SGCD: variants seen among roughly 807,000 people sequenced by gnomAD.
SGCD encodes delta-sarcoglycan.
SGCD carries 18 observed loss-of-function variants against 36.6 expected under a neutral mutation model. The ratio of observed to expected loss-of-function variants is 0.49; its 90% CI spans 0.34 to 0.73. SGCD has a LOEUF of 0.73. Ranked by LOEUF, SGCD falls within the 30% of genes least tolerant of loss-of-function variation. The pLI, the probability that SGCD is intolerant of heterozygous loss-of-function variation, is 0.01. For synonymous variants in SGCD, 133 were observed against 130.6 expected, an observed-to-expected ratio of 1.02 and a Z score of -0.12; for missense variants, 387 against 346.7, an observed-to-expected ratio of 1.12 and a Z score of -0.92.
At chr5:156,730,618 C>T (rs1018946764) in intron 7 of SGCD, among the ~76,000 whole-genome samples, 6 of 152,088 alleles carry the variant, frequency 3.9e-5, no homozygotes, top group African/African-American at 7.2e-5. Flanking sequence ...TTTATCCATG[C>T]TATCATTAAT....
At chr5:155,742,590 A>G in the SGCD span, among the ~76,000 whole-genome samples, 12 of 152,374 alleles carry the variant, frequency 7.9e-5, no homozygotes, top group Non-Finnish European at 1.6e-4. Context: ...TTCCACGTTC[A>G]GACGTTACAA....
intron 1 of SGCD, among the ~76,000 whole-genome samples, chr5:156,025,382 G>C (rs558587969): frequency 1.0e-3 from 155 of 152,252 alleles, no homozygotes; most frequent in African/African-American, 3.5e-3. Flanking sequence ...GCCCAGGAAA[G>C]GTATGAAAAC....
At chr5:156,155,114 C>A (rs2127616288) in intron 3 of SGCD, among the ~76,000 whole-genome samples, 1 of 151,842 alleles carries the variant, frequency 6.6e-6, no homozygotes, top group African/African-American at 2.4e-5. Context: ...ACCTGCTGCT[C>A]TCTGGGACCA....
chr5:156,589,593 A>C (rs1019041019), intron 5 of SGCD, among the ~76,000 whole-genome samples: 2 of 152,138 alleles, frequency 1.3e-5, no homozygotes, highest in African/African-American at 4.8e-5. Context: ...CTAAATATAA[A>C]CCAGCTGCTT....
the SGCD span, among the ~76,000 whole-genome samples, chr5:155,839,562 A>G: frequency 3.3e-5 from 5 of 152,172 alleles, no homozygotes; most frequent in African/African-American, 1.2e-4. Flanking sequence ...ACAACATATA[A>G]TGGATTCATT....
intron 4 of SGCD, among the ~76,000 whole-genome samples, chr5:156,554,973 C>T (rs1304619510): frequency 6.6e-6 from 1 of 152,068 alleles, no homozygotes; most frequent in Non-Finnish European, 1.5e-5. Flanking sequence ...TATGCATTTC[C>T]CTAATCACTA....
intron 1 of SGCD, among the ~76,000 whole-genome samples, chr5:155,933,178 G>T (rs556836938): frequency 1.3e-5 from 2 of 152,122 alleles, no homozygotes; most frequent in Non-Finnish European, 2.9e-5. Flanking sequence ...AGCCGTAGGG[G>T]TCTTCTTGGT....
At chr5:156,567,792 A>G (rs1759557997) in intron 4 of SGCD, among the ~76,000 whole-genome samples, 1 of 149,322 alleles carries the variant, frequency 6.7e-6, no homozygotes, top group Non-Finnish European at 1.5e-5. Context: ...AAAATATAAT[A>G]ATCTCCAAAA....
chr5:156,686,765 G>A (rs1753920049), intron 7 of SGCD, among the ~76,000 whole-genome samples: 2 of 152,168 alleles, frequency 1.3e-5, no homozygotes, highest in Admixed American at 6.6e-5. Context: ...AGCTCTGCTT[G>A]AATCTCTGAT....
the SGCD span, among the ~76,000 whole-genome samples, chr5:155,762,333 A>G: frequency 6.6e-6 from 1 of 152,184 alleles, no homozygotes; most frequent in African/African-American, 2.4e-5. Flanking sequence ...TGGTTAATGC[A>G]TCTTATAGTC....
chr5:155,985,486 G>T (rs890977077), intron 1 of SGCD, among the ~76,000 whole-genome samples: 2 of 152,076 alleles, frequency 1.3e-5, no homozygotes, highest in Non-Finnish European at 2.9e-5. Context: ...ATTACATGGG[G>T]CCATCAGGAT....
At chr5:156,518,287 ACTAT>A (rs1419051954) in intron 4 of SGCD, among the ~76,000 whole-genome samples, 1 of 152,198 alleles carries the variant, frequency 6.6e-6, no homozygotes, top group African/African-American at 2.4e-5. Context: ...AGAAAAGCTA[ACTAT>A]CCTAAATATA....
At position 156,036,225 on chromosome 5, in the gene SGCD, A is replaced by T. The variant is rs892426583; in HGVS notation, c.-281-81653A>T. 2.8e-4 allele frequency among the ~76,000 whole-genome samples: 42 copies of T among 152,204 alleles called. 1 individual carries two copies. Among genetic ancestry groups the T allele is most frequent in the Non-Finnish European group, 1.5e-5 (1 of 68,028 alleles). On this transcript the variant is annotated intron_variant, in intron 1 of 9. Transcript: ENST00000517913. ...TCACCAAAATTTGCAGTGAGAGGTC[A>T]TAGAGACTTGTACAGCAGGTGCCAA...
chr5:155,966,686 G>A (rs1158766332), intron 1 of SGCD, among the ~76,000 whole-genome samples: 4 of 152,096 alleles, frequency 2.6e-5, no homozygotes, highest in African/African-American at 7.2e-5. Flanking sequence ...TAAAATGGAA[G>A]TGATAATAAT....
intron 1 of SGCD, among the ~76,000 whole-genome samples, chr5:156,012,985 G>A (rs1581041503): frequency 1.4e-5 from 2 of 147,776 alleles, no homozygotes; most frequent in African/African-American, 2.5e-5. Context: ...ATGTATACAA[G>A]TAGTGTCTTT....
intron 3 of SGCD, among the ~76,000 whole-genome samples, chr5:156,349,642 T>C (rs1329533418): frequency 6.6e-6 from 1 of 152,168 alleles, no homozygotes; most frequent in Non-Finnish European, 1.5e-5. Flanking sequence ...ATACTGCTGA[T>C]GGGAATGTAA....
At chr5:156,029,751 A>C (rs1388292463) in intron 1 of SGCD, among the ~76,000 whole-genome samples, 1 of 152,200 alleles carries the variant, frequency 6.6e-6, no homozygotes, top group African/African-American at 2.4e-5. Flanking sequence ...TTCTACCTCC[A>C]GATCTGTTCT....
chr5:156,637,342 AG>A (rs1762867698), intron 6 of SGCD, among the ~76,000 whole-genome samples: 1 of 152,148 alleles, frequency 6.6e-6, no homozygotes. Flanking sequence ...TAGCAGCATG[AG>A]AACAGACTAA....
chr5:155,884,345 A>G (rs1036152322), intron 1 of SGCD, among the ~76,000 whole-genome samples: 1 of 152,192 alleles, frequency 6.6e-6, no homozygotes, highest in Non-Finnish European at 1.5e-5. Flanking sequence ...TCCTCAGGGA[A>G]CAATAAATCC....
Sources: allele counts gnomAD v4.1 joint callset (sites outside exome capture counted in the v4.1 genomes callset), GRCh38; gene constraint gnomAD v4.1.1; transcripts MANE v1.5; gene names NCBI Gene and HGNC (gene_info 2026-07-23, HGNC 2026-07-21).